LRRC7: variants seen among roughly 807,000 people sequenced by gnomAD.
LRRC7 encodes the protein leucine rich repeat containing 7, also known as leucine-rich repeat-containing protein 7.
In LRRC7, 23 loss-of-function variants were observed where a neutral mutation model predicts 175.7. The observed-to-expected ratio is 0.13, with a 90% CI of 0.09 to 0.19. The LOEUF (loss-of-function observed/expected upper bound fraction) is 0.19. Among genes scored for constraint, LRRC7 ranks in the 10% least tolerant of loss-of-function variants. The probability of loss-of-function intolerance (pLI) is 1.00; values close to 1 mark genes in which losing one functional copy is unlikely to be tolerated. For missense variants in LRRC7, 1,354 were observed against 1,904.7 expected (o/e 0.71, Z 5.38); for synonymous variants, 685 against 680.9 (o/e 1.01, Z -0.09).
At chr1:70,121,649 C>A (rs755334175) in intron 26 of LRRC7, 131 bp from the exon 27 acceptor site, 130 of 599,860 alleles carry the variant, frequency 2.2e-4, no homozygotes, top group Non-Finnish European at 3.2e-4. Context: ...TCCATAATTG[C>A]GATTCCATTG....
chr1:69,805,472 T>A lies in LRRC7; in HGVS notation c.421+13312T>A, dbSNP rs533320217. Among the ~76,000 whole-genome samples the A allele has an allele frequency of 7.2e-5, 11 of 152,070 alleles. No homozygotes were observed. In the South Asian group the frequency reaches 2.3e-3, roughly 31 times the overall value. ...AATAAGCAATAAATGTGTTCTCTGG[T>A]GTTTGGCAAACCATTACACCATTTA... On this transcript the variant is annotated intron_variant, in intron 4 of 26. Coordinates refer to ENST00000651989, the MANE Select transcript of LRRC7 (RefSeq NM_001370785.2).
At chr1:69,718,180 G>GAAGA (rs1665943190) in intron 2 of LRRC7, among the ~76,000 whole-genome samples, 3 of 102,718 alleles carry the variant, frequency 2.9e-5, no homozygotes, top group Non-Finnish European at 5.8e-5. Flanking sequence ...AAGAAGAAAA[G>GAAGA]AAAAGAAAGA....
chr1:69,764,730 C>CAGACAGACAGACAGACAGAT (rs1377304958), intron 3 of LRRC7, among the ~76,000 whole-genome samples: 52 of 140,406 alleles, frequency 3.7e-4, no homozygotes, highest in African/African-American at 1.1e-3. Flanking sequence ...GATAGATAGA[C>CAGACAGACAGACAGACAGAT]AGATAGATAG....
chr1:69,860,244 A>G (rs1006099930), intron 7 of LRRC7, among the ~76,000 whole-genome samples: 6 of 151,880 alleles, frequency 4.0e-5, no homozygotes, highest in Admixed American at 3.3e-4. Flanking sequence ...TTGCTTGGAG[A>G]ATCTCTTCAC....
intron 1 of LRRC7, among the ~76,000 whole-genome samples, chr1:69,631,386 A>G (rs749250729): frequency 1.3e-5 from 2 of 151,868 alleles, no homozygotes; most frequent in Non-Finnish European, 2.9e-5. Flanking sequence ...AAATCATCTC[A>G]TTGTTGATAT....
At chr1:69,798,111 G>A (rs780210262) in intron 4 of LRRC7, among the ~76,000 whole-genome samples, 3 of 151,914 alleles carry the variant, frequency 2.0e-5, no homozygotes, top group Non-Finnish European at 2.9e-5. Context: ...TAGTAGAGAT[G>A]GGATTTCACC....
intron 1 of LRRC7, among the ~76,000 whole-genome samples, chr1:69,617,393 G>T (rs1251550259): frequency 6.6e-6 from 1 of 151,774 alleles, no homozygotes; most frequent in Non-Finnish European, 1.5e-5. Context: ...ACAATGCCTG[G>T]CACTAGTAGT....
intron 4 of LRRC7, among the ~76,000 whole-genome samples, chr1:69,795,461 C>T (rs1675628124): frequency 6.6e-6 from 1 of 151,496 alleles, no homozygotes; most frequent in Non-Finnish European, 1.5e-5. Context: ...GGGAATCTGT[C>T]AAGTGAAGAA....
At chr1:70,045,993 A>G (rs1660300593) in intron 22 of LRRC7, among the ~76,000 whole-genome samples, 1 of 152,120 alleles carries the variant, frequency 6.6e-6, no homozygotes, top group Non-Finnish European at 1.5e-5. Context: ...ATGGGAATAC[A>G]GCCAAACCAT....
In LRRC7 at chr1:70,140,578, C is replaced by T. The variant is rs972317585; in HGVS notation, c.*18691C>T. ...GAGAAAGTATGACTCTGCTTTTAGC[C>T]TTCTGCACAAGACAAAATCCTTCTG... On this transcript the variant is annotated 3_prime_UTR_variant, in exon 27 of 27. Coordinates refer to ENST00000651989, the MANE Select transcript of LRRC7 (RefSeq NM_001370785.2). 14 of 152,144 alleles carry T rather than the reference C, an allele frequency of 9.2e-5. No individual in the cohort carries two copies. The highest frequency in any genetic ancestry group is 3.4e-4 in the African/African-American group (14 of 41,448). The allele number at this position is 152,144 out of a possible 1,614,324, so 9.4% of individuals were successfully genotyped here. A position where few individuals can be genotyped will look rare whatever the true frequency, so the allele number is the denominator to read the frequency against.
At chr1:70,064,942 T>A (rs1324187773) in intron 23 of LRRC7, among the ~76,000 whole-genome samples, 1 of 151,964 alleles carries the variant, frequency 6.6e-6, no homozygotes, top group Non-Finnish European at 1.5e-5. Context: ...TTCTTCATAT[T>A]GAATTTAGTT....
chr1:69,961,272 C>A (rs1215938112), intron 8 of LRRC7, among the ~76,000 whole-genome samples: 1 of 152,112 alleles, frequency 6.6e-6, no homozygotes, highest in East Asian at 1.9e-4. Context: ...ATACAGCTAA[C>A]AAGGGAAGTG....
intron 4 of LRRC7, among the ~76,000 whole-genome samples, chr1:69,809,324 C>A (rs1677530437): frequency 6.6e-6 from 1 of 152,124 alleles, no homozygotes; most frequent in Non-Finnish European, 1.5e-5. Context: ...AAAGGATTCA[C>A]AGCCAAATTC....
chr1:69,681,261 G>T (rs114187013), intron 2 of LRRC7, among the ~76,000 whole-genome samples: 20 of 152,050 alleles, frequency 1.3e-4, no homozygotes, highest in Non-Finnish European at 2.2e-4. Flanking sequence ...CCCACACAAA[G>T]GTGCCACCTT....
intron 3 of LRRC7, among the ~76,000 whole-genome samples, chr1:69,760,791 T>C (rs1303898397): frequency 2.6e-5 from 4 of 152,096 alleles, no homozygotes; most frequent in African/African-American, 9.7e-5. Context: ...CCTTGAATTG[T>C]ATGCTGTAAG....
intron 2 of LRRC7, among the ~76,000 whole-genome samples, chr1:69,709,831 ATG>A (rs1212128968): frequency 1.3e-5 from 2 of 152,174 alleles, no homozygotes; most frequent in African/African-American, 4.8e-5. Flanking sequence ...TTATGCAACT[ATG>A]TGTGTGGATA....
Position 69,801,446 on chromosome 1 carries a change from G to A in LRRC7, c.421+9286G>A, listed in dbSNP as rs193215550. Among the ~76,000 whole-genome samples, 594 of 151,788 alleles carry A rather than the reference G, an allele frequency of 3.9e-3. 3 individuals carry two copies. The highest frequency in any genetic ancestry group is 6.5e-3 in the Non-Finnish European group (439 of 67,722). On this transcript the variant is annotated intron_variant, in intron 4 of 26. Transcript: ENST00000651989. ...ATGTATTCCTGGTTCAATATTCGGA[G>A]GTTGTATGTTTCTAGGAATTCATTC...
At chr1:69,669,094 T>A (rs1286646316) in intron 1 of LRRC7, among the ~76,000 whole-genome samples, 1 of 152,182 alleles carries the variant, frequency 6.6e-6, no homozygotes, top group Non-Finnish European at 1.5e-5. Context: ...CTACTTAAGA[T>A]AAGAATAGTT....
rs1666886874 is a variant in LRRC7, at chr1:70,136,686, A to G, written c.*14799A>G. On this transcript the variant is annotated 3_prime_UTR_variant, in exon 27 of 27. Coordinates refer to ENST00000651989, the MANE Select transcript of LRRC7 (RefSeq NM_001370785.2). ...TCTCTCACAGTTTAATAAAATGGCA[A>G]ATGCTTTCTTTCTGCTTTATTGCTT... Among the ~76,000 whole-genome samples the G allele has an allele frequency of 6.6e-6, 1 of 150,984 alleles. No homozygotes were observed.
Sources: gnomAD v4.1 joint callset for allele counts (sites outside exome capture counted in the v4.1 genomes callset) on GRCh38, gnomAD v4.1.1 for gene constraint, MANE v1.5 for transcripts, NCBI Gene and HGNC (gene_info 2026-07-23, HGNC 2026-07-21) for gene names.